NIN: variants seen among roughly 807,000 people sequenced by gnomAD.
NIN encodes the protein ninein, also known as glycogen synthase kinase 3 beta-interacting protein.
In NIN, 137 loss-of-function variants were observed where a neutral mutation model predicts 257.6. The observed-to-expected ratio is 0.53, with a 90% CI of 0.46 to 0.61. The LOEUF (loss-of-function observed/expected upper bound fraction) is 0.61, where lower values mean the gene tolerates loss of function less well. Ranked by LOEUF, NIN falls within the 20% of genes least tolerant of loss-of-function variation. The pLI is 0.00. For missense variants in NIN, 2,439 were observed against 2,501.2 expected, an observed-to-expected ratio of 0.98 and a Z score of 0.53; for synonymous variants, 918 against 919.8, an observed-to-expected ratio of 1.00 and a Z score of 0.04.
intron 4 of NIN, among the ~76,000 whole-genome samples, chr14:50,804,358 C>T (rs2142165710): frequency 2.0e-5 from 3 of 152,308 alleles, no homozygotes; most frequent in Admixed American, 2.0e-4. Flanking sequence ...TGACTCATGT[C>T]TCAAAGCACA....
intron 3 of NIN, among the ~76,000 whole-genome samples, chr14:50,812,017 G>A (rs530937341): frequency 5.3e-5 from 8 of 152,198 alleles, no homozygotes; most frequent in East Asian, 1.9e-4. Context: ...CTACTCAGGA[G>A]GCTGAGGCAG....
At chr14:50,772,892 T>C in intron 8 of NIN, 57 bp downstream of exon 8, 1 of 1,426,570 alleles carries the variant, frequency 7.0e-7, no homozygotes. Flanking sequence ...TATTAGACAT[T>C]ACTTAAATGG....
intron 17 of NIN, 23 bp from the exon 18 acceptor site, chr14:50,758,653 A>G (rs1162622008): frequency 2.0e-6 from 3 of 1,524,596 alleles, no homozygotes; most frequent in Admixed American, 2.3e-5. Flanking sequence ...AACATACAGC[A>G]TTATTGAAAC....
chr14:50,807,990 A>T (rs2044405521), intron 3 of NIN, among the ~76,000 whole-genome samples: 1 of 152,246 alleles, frequency 6.6e-6, no homozygotes, highest in Non-Finnish European at 1.5e-5. Flanking sequence ...TAAGGTGTAC[A>T]ACCTGATGAT....
At chr14:50,772,040 A>C (rs1398019984) in intron 9 of NIN, 9 of 360,286 alleles carry the variant, frequency 2.5e-5, no homozygotes, top group South Asian at 2.4e-4. Context: ...AACAACAACA[A>C]CACTATCTGG....
chr14:50,826,641 G>C (rs1226075604), intron 2 of NIN, among the ~76,000 whole-genome samples: 4 of 152,162 alleles, frequency 2.6e-5, no homozygotes, highest in Non-Finnish European at 2.9e-5. Flanking sequence ...ACAGAAAGGA[G>C]CTTGTAACAA....
intron 24 of NIN, among the ~76,000 whole-genome samples, chr14:50,742,663 G>C (rs749870769): frequency 6.6e-5 from 10 of 152,064 alleles, no homozygotes; most frequent in Admixed American, 5.9e-4. Flanking sequence ...CAAAGTGCTG[G>C]GATTACAGGC....
At chr14:50,751,259 G>A (rs963972525) in intron 21 of NIN, among the ~76,000 whole-genome samples, 7 of 152,116 alleles carry the variant, frequency 4.6e-5, no homozygotes, top group Non-Finnish European at 7.4e-5. Context: ...TTTTCATATT[G>A]TTGCGGTGGT....
chr14:50,759,382 G>A (rs2042173888), intron 17 of NIN, among the ~76,000 whole-genome samples: 1 of 152,034 alleles, frequency 6.6e-6, no homozygotes, highest in Non-Finnish European at 1.5e-5. Flanking sequence ...ATCATCCCAA[G>A]GTAGGTTCAC....
At chr14:50,739,631 G>T in intron 25 of NIN, 144 bp from the exon 26 acceptor site, 1 of 639,656 alleles carries the variant, frequency 1.6e-6, no homozygotes, top group Non-Finnish European at 2.7e-6. Context: ...GAAAGTATGT[G>T]TATGTACATA....
intron 5 of NIN, among the ~76,000 whole-genome samples, chr14:50,786,013 A>G (rs1371419629): frequency 1.3e-5 from 2 of 152,208 alleles, no homozygotes; most frequent in Non-Finnish European, 2.9e-5. Context: ...GCGGGGGATG[A>G]CAGGAATTAA....
At chr14:50,766,120 ACTCACTGATGGAATTTTTG>A (rs1298259188) in intron 14 of NIN, among the ~76,000 whole-genome samples, 168 bp downstream of exon 14, 5 of 151,784 alleles carry the variant, frequency 3.3e-5, no homozygotes, top group African/African-American at 1.2e-4. Flanking sequence ...CTTTACATAT[ACTCACTGATGGAATTTTTG>A]CTACAACATT....
At chr14:50,725,236 TGCC>T (rs2040364036) in intron 30 of NIN, among the ~76,000 whole-genome samples, 1 of 152,014 alleles carries the variant, frequency 6.6e-6, no homozygotes, top group Admixed American at 6.5e-5. Flanking sequence ...GGGCATTTTC[TGCC>T]CCCCACCCCA....
intron 3 of NIN, among the ~76,000 whole-genome samples, chr14:50,815,399 G>C (rs1387762745): frequency 6.6e-6 from 1 of 152,206 alleles, no homozygotes; most frequent in Non-Finnish European, 1.5e-5. Context: ...AACAGATGCT[G>C]GTGAGGTTGT....
intron 28 of NIN, among the ~76,000 whole-genome samples, chr14:50,732,444 T>C (rs554886065): frequency 6.6e-6 from 1 of 152,220 alleles, no homozygotes; most frequent in Admixed American, 6.5e-5. Context: ...AAAAATCCAA[T>C]TTGTAGCGCT....
In NIN at chr14:50,726,144, AGAGAAAG is replaced by A. The variant is rs2040402928; in HGVS notation, c.6079-85_6079-79del. On this transcript the variant is annotated intron_variant, in intron 29 of 30. Coordinates refer to ENST00000530997, the MANE Select transcript of NIN (RefSeq NM_020921.4). ...GGTTTATTTTCCCCACAAGATGCCT[AGAGAAAG>A]GACAGCAAATGTTTTGCCTTTGTAA... The A allele has an allele frequency of 2.7e-6, 3 of 1,131,866 alleles. No homozygotes were observed. In the Admixed American group the frequency reaches 6.0e-5, roughly 23 times the overall value. The allele number at this position is 1,131,866 out of a possible 1,614,324, so 70.1% of individuals were successfully genotyped here.
chr14:50,739,552 G>A, intron 25 of NIN, 65 bp from the exon 26 acceptor site: 2 of 1,509,050 alleles, frequency 1.3e-6, no homozygotes, highest in East Asian at 2.3e-5. Flanking sequence ...TTTTGAGACA[G>A]GTGTCATGTT....
chr14:50,735,926 T>C (rs1856566461), intron 27 of NIN, among the ~76,000 whole-genome samples: 2 of 152,228 alleles, frequency 1.3e-5, no homozygotes, highest in Non-Finnish European at 2.9e-5. Flanking sequence ...GTACAGTACA[T>C]ATCACTGAAA....
At position 50,812,892 on chromosome 14, in the gene NIN, C is replaced by T. The variant is rs191245852; in HGVS notation, c.184-6074G>A. On this transcript the variant is annotated intron_variant, in intron 3 of 30. Transcript: ENST00000530997. ...ATTCCTCTTTTTCCAACAAACAGTCCGAAAATTCACACACCACATAGCAGC... is the reference window on the plus strand; with the variant it reads ...ATTCCTCTTTTTCCAACAAACAGTCTGAAAATTCACACACCACATAGCAGC... Among the ~76,000 whole-genome samples the T allele has an allele frequency of 7.1e-3, 1,085 of 152,288 alleles. 18 individuals are homozygous for T. Among genetic ancestry groups the T allele is most frequent in the Non-Finnish European group, 9.8e-3 (667 of 68,020 alleles).
Sources: allele counts gnomAD v4.1 joint callset (sites outside exome capture counted in the v4.1 genomes callset), GRCh38; gene constraint gnomAD v4.1.1; transcripts MANE v1.5; gene names NCBI Gene and HGNC (gene_info 2026-07-23, HGNC 2026-07-21).